Variants in SCAF11 observed in about 807,000 individuals in gnomAD.
The protein encoded by SCAF11 is SR-related CTD associated factor 11.
A neutral mutation model predicts 140.5 loss-of-function variants in SCAF11; 47 were observed. The observed-to-expected ratio is 0.33, with a 90% CI of 0.26 to 0.43. The LOEUF (loss-of-function observed/expected upper bound fraction) is 0.43, where lower values mean the gene tolerates loss of function less well. SCAF11 is among the 20% of genes least tolerant of loss of function. The pLI is 1.00. For missense variants in SCAF11, 1,645 were observed against 1,705.1 expected (o/e 0.96, Z 0.62); for synonymous variants, 557 against 579.4 (o/e 0.96, Z 0.55).
chr12:45,929,758 T>G (rs1944997287), intron 10 of SCAF11: 1 of 152,264 alleles, frequency 6.6e-6, no homozygotes. Context: ...ACATATACAT[T>G]GTGGAATGAC....
chr12:45,953,986 G>A (rs930701849), intron 3 of SCAF11: 1 of 269,866 alleles, frequency 3.7e-6, no homozygotes, highest in African/African-American at 2.3e-5. Flanking sequence ...TGAGAGACAT[G>A]AGTTCTTAAC....
intron 10 of SCAF11, chr12:45,931,194 T>C (rs772194073): frequency 4.9e-5 from 8 of 161,814 alleles, no homozygotes; most frequent in Non-Finnish European, 9.4e-5. Flanking sequence ...CCTTATTCAC[T>C]TAGCCTAATG....
intron 12 of SCAF11, among the ~76,000 whole-genome samples, chr12:45,923,810 T>G (rs1944773451): frequency 6.6e-6 from 1 of 151,572 alleles, no homozygotes. Context: ...AGCCTCCGAG[T>G]AGCTGGGATT....
chr12:45,924,399 C>G (rs1226002207), intron 12 of SCAF11, among the ~76,000 whole-genome samples: 1 of 152,038 alleles, frequency 6.6e-6, no homozygotes, highest in African/African-American at 2.4e-5. Context: ...CAGTGCAAAA[C>G]AGGGGAAAAA....
chr12:45,972,971 G>GATAT (rs1177215954), intron 1 of SCAF11, among the ~76,000 whole-genome samples: 43 of 123,964 alleles, frequency 3.5e-4, no homozygotes, highest in East Asian at 1.5e-3. Context: ...TATATATATA[G>GATAT]ATATATAGAT....
intron 1 of SCAF11, among the ~76,000 whole-genome samples, chr12:45,971,956 G>T (rs1242013984): frequency 6.6e-6 from 1 of 152,122 alleles, no homozygotes; most frequent in Non-Finnish European, 1.5e-5. Flanking sequence ...CCAAAAGACA[G>T]AAAAGACTGT....
chr12:45,961,851 T>C lies in SCAF11; in HGVS notation c.68A>G (p.Glu23Gly), dbSNP rs773094584. 1.9e-6 allele frequency: 3 copies of C among 1,598,764 alleles called. No homozygotes were observed. The highest frequency in any genetic ancestry group is 2.6e-6 in the Non-Finnish European group (3 of 1,174,116). Reference sequence around the variant, plus strand: ...AGTGGAAATAGTATTATCTCCGTTTTCTTCACCTGTTAAAGTAAAACAGCC... The same window carrying C: ...AGTGGAAATAGTATTATCTCCGTTTCCTTCACCTGTTAAAGTAAAACAGCC... ...DKKYEDMEGEENGDNTISTGL... is the reference protein window; with the variant it reads ...DKKYEDMEGEGNGDNTISTGL... Residue 23 changes from glutamate to glycine, a missense_variant, in exon 3 of 15, where the codon GAA (glutamate) becomes GGA (glycine). Transcript: ENST00000369367.
intron 3 of SCAF11, among the ~76,000 whole-genome samples, chr12:45,959,518 C>T (rs181908290): frequency 1.3e-5 from 2 of 152,246 alleles, no homozygotes; most frequent in African/African-American, 4.8e-5. Flanking sequence ...ATCCTGAAAT[C>T]CGAAGTAAAC....
intron 11 of SCAF11, among the ~76,000 whole-genome samples, chr12:45,925,735 A>C (rs1205414511): frequency 6.6e-6 from 1 of 152,204 alleles, no homozygotes; most frequent in African/African-American, 2.4e-5. Flanking sequence ...AATGTTCTTA[A>C]CAAGAAAAAA....
chr12:45,935,732 T>C (rs1384711602), intron 6 of SCAF11, among the ~76,000 whole-genome samples: 1 of 152,196 alleles, frequency 6.6e-6, no homozygotes, highest in Non-Finnish European at 1.5e-5. Context: ...CTGAAAGAAC[T>C]GTTAGTTTTC....
intron 4 of SCAF11, among the ~76,000 whole-genome samples, chr12:45,949,075 G>A (rs1945490602): frequency 6.6e-6 from 1 of 152,170 alleles, no homozygotes; most frequent in Non-Finnish European, 1.5e-5. Flanking sequence ...ACTTTTTAAA[G>A]CAAGTGAATG....
chr12:45,955,507 T>TA (rs1456752990), intron 3 of SCAF11: 3 of 152,698 alleles, frequency 2.0e-5, no homozygotes, highest in African/African-American at 7.2e-5. Flanking sequence ...ATCCAGCAGA[T>TA]ATCTATCCAG....
At chr12:45,932,078 A>T (rs1945058231) in intron 9 of SCAF11, among the ~76,000 whole-genome samples, 1 of 152,038 alleles carries the variant, frequency 6.6e-6, no homozygotes, top group South Asian at 2.1e-4. Flanking sequence ...CCACCACCCC[A>T]ATCAAGAAAG....
chr12:45,954,040 C>T (rs530110795), intron 3 of SCAF11, among the ~76,000 whole-genome samples: 18 of 152,114 alleles, frequency 1.2e-4, no homozygotes, highest in Admixed American at 3.9e-4. Context: ...AGATGGAAAT[C>T]CAAGTACTTC....
intron 14 of SCAF11, 28 bp from the exon 15 acceptor site, chr12:45,922,222 T>G (rs1378966338): frequency 5.1e-6 from 8 of 1,580,860 alleles, no homozygotes; most frequent in South Asian, 1.2e-5. Flanking sequence ...GGGGGTAAAC[T>G]TTTTTCATGC....
At chr12:45,935,491 AAAATGTGTGGTAGGTAC>A (rs1396407858) in intron 6 of SCAF11, among the ~76,000 whole-genome samples, 1 of 152,214 alleles carries the variant, frequency 6.6e-6, no homozygotes, top group East Asian at 1.9e-4. Flanking sequence ...GCAAGAAGTA[AAAATGTGTGGTAGGTAC>A]ACAGATAACA....
At chr12:45,957,388 G>T (rs1312953901) in intron 3 of SCAF11, among the ~76,000 whole-genome samples, 1 of 152,092 alleles carries the variant, frequency 6.6e-6, no homozygotes, top group South Asian at 2.1e-4. Context: ...TATAAGTCAA[G>T]AACTCACATC....
rs745641481 is a variant in SCAF11 at position 45,927,641 on chromosome 12, G to A, written c.2060C>T (p.Ser687Leu). 14 of 1,612,058 alleles carry A rather than the reference G, an allele frequency of 8.7e-6. No homozygotes were observed. The highest frequency in any genetic ancestry group is 1.3e-5 in the African/African-American group (1 of 74,954). ...LEKSLEEKNE[S>L]LTEHPRSTEL... Reference sequence around the variant, plus strand: ...TGTAGATCTAGGATGTTCGGTCAGCGATTCATTCTTTTCTTCTAAAGATTT... The same window carrying A: ...TGTAGATCTAGGATGTTCGGTCAGCAATTCATTCTTTTCTTCTAAAGATTT... Residue 687 changes from serine (S) to leucine (L), a missense_variant, in exon 11 of 15, where the codon TCG (serine) becomes TTG (leucine). By Grantham distance (145) the Ser-to-Leu change is moderately radical. Transcript: ENST00000369367.
At chr12:45,990,150 C>T (rs983650134) in intron 1 of SCAF11, among the ~76,000 whole-genome samples, 1 of 152,132 alleles carries the variant, frequency 6.6e-6, no homozygotes, top group Non-Finnish European at 1.5e-5. Context: ...GGGGCCCTCC[C>T]GGCCGCAGCC....
Sources: gnomAD v4.1 joint callset for allele counts (sites outside exome capture counted in the v4.1 genomes callset) on GRCh38, gnomAD v4.1.1 for gene constraint, MANE v1.5 for transcripts, NCBI Gene and HGNC (gene_info 2026-07-23, HGNC 2026-07-21) for gene names.